The following RB1 variants were observed in gnomAD, a reference collection of about 807,000 sequenced individuals.
RB1 encodes the protein retinoblastoma-associated protein.
Under a neutral mutation model 135.4 loss-of-function variants are expected in RB1, and 18 were observed. That is an observed-to-expected ratio of 0.13 (90% CI 0.09 to 0.20). The LOEUF (loss-of-function observed/expected upper bound fraction) is 0.20. Ranked by LOEUF, RB1 falls within the 10% of genes least tolerant of loss-of-function variation. The pLI is 1.00. For synonymous variants in RB1, 365 were observed against 373.2 expected (o/e 0.98, Z 0.25); for missense variants, 868 against 1,110.0 (o/e 0.78, Z 3.10).
chr13:48,317,136 G>C, intron 2 of RB1: 1 of 898,850 alleles, frequency 1.1e-6, no homozygotes, highest in Non-Finnish European at 1.5e-6. Flanking sequence ...GCTGGGCCCG[G>C]CCTGGGCCTC....
At chr13:48,463,649 C>A in intron 20 of RB1, 82 bp from the exon 21 acceptor site, 1 of 911,676 alleles carries the variant, frequency 1.1e-6, no homozygotes, top group African/African-American at 1.6e-5. Context: ...TTTTTTGAGG[C>A]TAAAAGAAAG....
chr13:48,443,251 T>C (rs185441382), intron 17 of RB1, among the ~76,000 whole-genome samples: 341 of 151,738 alleles, frequency 2.2e-3, no homozygotes, highest in African/African-American at 7.8e-3. Context: ...AAGATTCCTT[T>C]TTCAGTAAAT....
chr13:48,460,240 G>A (rs1949396544), intron 20 of RB1, among the ~76,000 whole-genome samples: 1 of 151,840 alleles, frequency 6.6e-6, no homozygotes, highest in Non-Finnish European at 1.5e-5. Context: ...AAAGTGTTGG[G>A]ATTACAGGCA....
At chr13:48,460,508 G>A (rs1949398429) in intron 20 of RB1, among the ~76,000 whole-genome samples, 1 of 152,120 alleles carries the variant, frequency 6.6e-6, no homozygotes, top group Non-Finnish European at 1.5e-5. Context: ...CTATGTAGTA[G>A]TGAGCTAGAT....
intron 17 of RB1, among the ~76,000 whole-genome samples, chr13:48,422,231 G>A (rs1019786612): frequency 6.6e-6 from 1 of 152,114 alleles, no homozygotes; most frequent in Non-Finnish European, 1.5e-5. Flanking sequence ...CATGGATGAA[G>A]CTGGAAACCA....
chr13:48,304,044 C>G lies in RB1; in HGVS notation c.132C>G (p.Leu44=), dbSNP rs2138028049. 6.9e-7 allele frequency: 1 copy of G among 1,448,384 alleles called. No individual in the cohort carries two copies. Among genetic ancestry groups the G allele is most frequent in the Non-Finnish European group, 9.0e-7 (1 of 1,109,042 alleles). 89.7% of individuals were successfully genotyped at this position (1,448,384 alleles called of 1,614,324 possible). A position where few individuals can be genotyped will look rare whatever the true frequency, so the allele number is the denominator to read the frequency against. Residue 44 remains leucine (L), a synonymous_variant, in exon 1 of 27, where the codon CTC becomes CTG. Transcript: ENST00000267163. The part of the protein sequence containing the change: ...EQDSGPEDLP[L]VRLEFEETEE... ...ACAGCGGCCCGGAGGACCTGCCTCT[C>G]GTCAGGTGAGCGAGCAGAGCCGCCG...
intron 17 of RB1, among the ~76,000 whole-genome samples, chr13:48,430,568 C>T (rs1949119015): frequency 6.6e-6 from 1 of 151,950 alleles, no homozygotes. Context: ...GGTGAAACCC[C>T]GTCTCTACTA....
intron 17 of RB1, chr13:48,389,510 G>A (rs1948595831): frequency 1.3e-5 from 2 of 152,192 alleles, no homozygotes; most frequent in African/African-American, 4.8e-5. Context: ...GAAAGGTAGG[G>A]TTTAAATATT....
intron 2 of RB1, among the ~76,000 whole-genome samples, chr13:48,332,477 G>A (rs761469542): frequency 6.6e-6 from 1 of 152,172 alleles, no homozygotes; most frequent in Non-Finnish European, 1.5e-5. Flanking sequence ...TCTGAGGTAG[G>A]AGGAGTGCTT....
At chr13:48,346,721 A>G (rs1438685056) in intron 4 of RB1, among the ~76,000 whole-genome samples, 2 of 152,104 alleles carry the variant, frequency 1.3e-5, no homozygotes, top group African/African-American at 4.8e-5. Context: ...CAAATGAAGC[A>G]GGATATACTC....
intron 2 of RB1, among the ~76,000 whole-genome samples, chr13:48,311,557 T>C (rs1242347104): frequency 1.3e-5 from 2 of 151,832 alleles, no homozygotes; most frequent in African/African-American, 4.8e-5. Flanking sequence ...TAAGTATTTG[T>C]ATATCTATAC....
intron 17 of RB1, among the ~76,000 whole-genome samples, chr13:48,434,697 C>T (rs1949164757): frequency 1.3e-5 from 2 of 152,148 alleles, no homozygotes; most frequent in Non-Finnish European, 2.9e-5. Flanking sequence ...ATGTATCCAC[C>T]ACCACAAGCA....
intron 17 of RB1, among the ~76,000 whole-genome samples, chr13:48,395,064 T>G (rs1218465630): frequency 7.2e-6 from 1 of 139,682 alleles, no homozygotes; most frequent in Non-Finnish European, 1.6e-5. Context: ...GGCAGCAATC[T>G]TTGCTCTTCT....
intron 2 of RB1, among the ~76,000 whole-genome samples, chr13:48,316,399 C>T (rs1485375989): frequency 6.6e-6 from 1 of 152,042 alleles, no homozygotes; most frequent in Non-Finnish European, 1.5e-5. Context: ...CAGCCACCGA[C>T]GGACATTCTC....
At chr13:48,411,210 C>T (rs1248455245) in intron 17 of RB1, 10 of 559,002 alleles carry the variant, frequency 1.8e-5, no homozygotes, top group East Asian at 2.9e-5. Flanking sequence ...AGTGGATACA[C>T]AAATAAAATA....
At chr13:48,335,544 C>T (rs1398173583) in intron 2 of RB1, among the ~76,000 whole-genome samples, 1 of 151,584 alleles carries the variant, frequency 6.6e-6, no homozygotes, top group Non-Finnish European at 1.5e-5. Context: ...AACAAAATGT[C>T]CTTCAATTGA....
chr13:48,452,490 T>C (rs1949333998), intron 17 of RB1, among the ~76,000 whole-genome samples: 1 of 152,128 alleles, frequency 6.6e-6, no homozygotes, highest in Admixed American at 6.5e-5. Context: ...ATAAAATTAT[T>C]CATAATAATT....
At chr13:48,459,246 A>G (rs1234337272) in intron 19 of RB1, among the ~76,000 whole-genome samples, 2 of 152,212 alleles carry the variant, frequency 1.3e-5, no homozygotes, top group African/African-American at 4.8e-5. Context: ...AGTGGTAGAA[A>G]AATCTTAAAC....
At chr13:48,344,983 T>G in intron 3 of RB1, 97 bp from the exon 4 acceptor site, 1 of 1,395,542 alleles carries the variant, frequency 7.2e-7, no homozygotes, top group Non-Finnish European at 9.8e-7. Context: ...GATGTAGAGC[T>G]GATAATCTTT....
Sources: gnomAD v4.1 joint callset for allele counts (sites outside exome capture counted in the v4.1 genomes callset) on GRCh38, gnomAD v4.1.1 for gene constraint, MANE v1.5 for transcripts, NCBI Gene and HGNC (gene_info 2026-07-23, HGNC 2026-07-21) for gene names.